Variants in NAALADL2 observed in about 807,000 individuals in gnomAD.
NAALADL2 encodes N-acetylated alpha-linked acidic dipeptidase like 2.
In NAALADL2, 76 loss-of-function variants were observed where a neutral mutation model predicts 87.2. The observed-to-expected ratio is 0.87, with a 90% CI of 0.72 to 1.05. The LOEUF is 1.05. Among genes scored for constraint, NAALADL2 ranks in the 50% least tolerant of loss-of-function variants. NAALADL2 has a pLI of 0.00. For missense variants in NAALADL2, 1,089 were observed against 945.8 expected, an observed-to-expected ratio of 1.15 and a Z score of -1.99; for synonymous variants, 354 against 331.0, an observed-to-expected ratio of 1.07 and a Z score of -0.75.
chr3:175,742,507 C>G (rs1266941105), intron 12 of NAALADL2, among the ~76,000 whole-genome samples: 1 of 125,804 alleles, frequency 7.9e-6, no homozygotes, highest in Admixed American at 7.7e-5. Flanking sequence ...ACGCCATTCT[C>G]CTGCCTCAGC....
chr3:175,062,458 G>T (rs553277288), intron 1 of NAALADL2, among the ~76,000 whole-genome samples: 5 of 150,384 alleles, frequency 3.3e-5, no homozygotes, highest in East Asian at 2.0e-4. Context: ...CATCCTGTTT[G>T]TAGGGCTGGA....
At chr3:175,470,385 G>C (rs1724685112) in intron 8 of NAALADL2, among the ~76,000 whole-genome samples, 1 of 151,790 alleles carries the variant, frequency 6.6e-6, no homozygotes, top group South Asian at 2.1e-4. Context: ...AACATATTTG[G>C]GGTGATGAAT....
At chr3:174,600,841 G>C (rs895239482) in intron 2 of NAALADL2, among the ~76,000 whole-genome samples, 1 of 152,064 alleles carries the variant, frequency 6.6e-6, no homozygotes, top group African/African-American at 2.4e-5. Flanking sequence ...AGCACCAAAA[G>C]GGGAAATCTG....
At chr3:175,551,098 G>T (rs886871488) in intron 9 of NAALADL2, among the ~76,000 whole-genome samples, 4 of 152,068 alleles carry the variant, frequency 2.6e-5, no homozygotes, top group African/African-American at 9.7e-5. Context: ...GTGTGTGTGT[G>T]TGTGTGTTTC....
chr3:174,994,989 T>C (rs1747236479), intron 1 of NAALADL2, among the ~76,000 whole-genome samples: 1 of 152,118 alleles, frequency 6.6e-6, no homozygotes, highest in South Asian at 2.1e-4. Flanking sequence ...GGAAAGATCA[T>C]TGTGAATGGT....
chr3:175,144,851 C>A (rs9862816), intron 2 of NAALADL2, among the ~76,000 whole-genome samples: 49,953 of 151,744 alleles, frequency 0.33, 8,293 homozygotes, highest in South Asian at 0.35. Context: ...GAATCTCAGC[C>A]TGTTGCTTCT....
chr3:174,582,998 A>T (rs1662530190), intron 2 of NAALADL2, among the ~76,000 whole-genome samples: 1 of 152,254 alleles, frequency 6.6e-6, no homozygotes, highest in Admixed American at 6.5e-5. Flanking sequence ...TGTAATTCAA[A>T]CTGCAGGATA....
At position 175,771,748 on chromosome 3, in the gene NAALADL2, C is replaced by T. The variant is rs920686869; in HGVS notation, c.2189+16330C>T. Among the ~76,000 whole-genome samples, 8 of 152,180 alleles carry T rather than the reference C, an allele frequency of 5.3e-5. No individual in the cohort carries two copies. In the East Asian group the frequency reaches 7.7e-4, roughly 15 times the overall value. On this transcript the variant is annotated intron_variant, in intron 13 of 13. Coordinates refer to ENST00000454872, the MANE Select transcript of NAALADL2 (RefSeq NM_207015.3). ...AGGATAATCTCCTTATATCAAAATC[C>T]GTAATCACATCTGTATTAGTCTGTT...
intron 9 of NAALADL2, among the ~76,000 whole-genome samples, chr3:175,482,912 G>A (rs2059000): frequency 0.6 from 91,463 of 151,570 alleles, 29,644 homozygotes; most frequent in East Asian, 0.89. Flanking sequence ...ATTAACTTTT[G>A]TTTGTAAGTG....
intron 2 of NAALADL2, among the ~76,000 whole-genome samples, chr3:174,629,282 A>G (rs1238836143): frequency 6.6e-6 from 1 of 152,210 alleles, no homozygotes; most frequent in Non-Finnish European, 1.5e-5. Context: ...TTCGAGGGGT[A>G]TGACATTTAG....
intron 1 of NAALADL2, among the ~76,000 whole-genome samples, chr3:174,544,942 C>T (rs1722597796): frequency 6.6e-6 from 1 of 152,070 alleles, no homozygotes; most frequent in Non-Finnish European, 1.5e-5. Flanking sequence ...GTGGTATGAA[C>T]ATGGCCCACT....
intron 1 of NAALADL2, among the ~76,000 whole-genome samples, chr3:174,928,814 T>C (rs1736459221): frequency 6.6e-6 from 1 of 152,074 alleles, no homozygotes; most frequent in African/African-American, 2.4e-5. Context: ...GTGAATGCAA[T>C]AGTTTGGAAT....
intron 1 of NAALADL2, among the ~76,000 whole-genome samples, chr3:174,456,898 A>G (rs1276636042): frequency 6.6e-6 from 1 of 152,206 alleles, no homozygotes; most frequent in Non-Finnish European, 1.5e-5. Context: ...ATACAGCAAA[A>G]GAAACTATCA....
At chr3:174,628,399 C>A (rs182795153) in intron 2 of NAALADL2, among the ~76,000 whole-genome samples, 1 of 147,850 alleles carries the variant, frequency 6.8e-6, no homozygotes, top group Non-Finnish European at 1.5e-5. Context: ...ATCGCTTGAA[C>A]CCTGGAGGCG....
chr3:175,115,984 C>A (rs1365795732), intron 2 of NAALADL2, among the ~76,000 whole-genome samples: 2 of 151,818 alleles, frequency 1.3e-5, no homozygotes, highest in Non-Finnish European at 2.9e-5. Flanking sequence ...AAGACAAAAA[C>A]CACATGTTTA....
At chr3:174,571,648 G>A (rs1714943154) in intron 2 of NAALADL2, among the ~76,000 whole-genome samples, 1 of 152,050 alleles carries the variant, frequency 6.6e-6, no homozygotes, top group African/African-American at 2.4e-5. Context: ...CAAAGTGCTG[G>A]GATTACAGGT....
At chr3:174,538,816 T>C (rs571903922) in intron 1 of NAALADL2, among the ~76,000 whole-genome samples, 1 of 152,250 alleles carries the variant, frequency 6.6e-6, no homozygotes, top group Admixed American at 6.5e-5. Context: ...TTTGAATCCA[T>C]CTTTGACATG....
At chr3:175,115,244 C>T (rs2108520344) in intron 2 of NAALADL2, 1 of 151,342 alleles carries the variant, frequency 6.6e-6, no homozygotes, top group Non-Finnish European at 1.5e-5. Flanking sequence ...TGTCATAGGC[C>T]CAGCAAACAG....
At chr3:175,112,645 A>G (rs1724393955) in intron 2 of NAALADL2, 1 of 151,686 alleles carries the variant, frequency 6.6e-6, no homozygotes, top group African/African-American at 2.4e-5. Flanking sequence ...ATTTCCAGTT[A>G]CAGAATTATT....
Sources: allele counts gnomAD v4.1 joint callset (sites outside exome capture counted in the v4.1 genomes callset), GRCh38; gene constraint gnomAD v4.1.1; transcripts MANE v1.5; gene names NCBI Gene and HGNC (gene_info 2026-07-23, HGNC 2026-07-21).